PTPRN2: variants seen among roughly 807,000 people sequenced by gnomAD.
The protein encoded by PTPRN2 is protein tyrosine phosphatase receptor type N2, also known as receptor-type tyrosine-protein phosphatase N2.
In PTPRN2, 74 loss-of-function variants were observed where a neutral mutation model predicts 118.8. The observed-to-expected ratio is 0.62, with a 90% CI of 0.52 to 0.76. The LOEUF (loss-of-function observed/expected upper bound fraction) is 0.76, where lower values mean the gene tolerates loss of function less well. Ranked by LOEUF, PTPRN2 falls within the 30% of genes least tolerant of loss-of-function variation. The probability of loss-of-function intolerance (pLI) is 0.00; values close to 1 mark genes in which losing one functional copy is unlikely to be tolerated. For missense variants in PTPRN2, 1,481 were observed against 1,394.4 expected, an observed-to-expected ratio of 1.06 and a Z score of -0.99; for synonymous variants, 641 against 608.0, an observed-to-expected ratio of 1.05 and a Z score of -0.80.
intron 1 of PTPRN2, among the ~76,000 whole-genome samples, chr7:158,496,068 C>T (rs553974887): frequency 6.6e-6 from 1 of 152,010 alleles, no homozygotes; most frequent in Admixed American, 6.5e-5. Flanking sequence ...CGCTCAGCCC[C>T]TCTGCTGAGA....
At chr7:158,308,873 T>G (rs7799231) in intron 3 of PTPRN2, among the ~76,000 whole-genome samples, 1 of 152,050 alleles carries the variant, frequency 6.6e-6, no homozygotes, top group Non-Finnish European at 1.5e-5. Context: ...AACTAGATAA[T>G]CTAGGTGAAA....
intron 12 of PTPRN2, among the ~76,000 whole-genome samples, chr7:157,703,969 C>T (rs62475248): frequency 0.1 from 15,557 of 152,220 alleles, 1,012 homozygotes; most frequent in East Asian, 0.31. Flanking sequence ...AGCTCTCACT[C>T]GCCCAAAGCT....
intron 6 of PTPRN2, among the ~76,000 whole-genome samples, chr7:158,154,364 A>T (rs957223510): frequency 1.3e-5 from 2 of 152,236 alleles, no homozygotes; most frequent in East Asian, 1.9e-4. Flanking sequence ...AGAAAATGAA[A>T]TATAGTAAGT....
Position 158,093,436 on chromosome 7 carries a change from GC to G in PTPRN2, c.1644-12060del, listed in dbSNP as rs1323838101. Among the ~76,000 whole-genome samples, 1 of 152,174 alleles carries G rather than the reference GC, an allele frequency of 6.6e-6. No individual in the cohort carries two copies. Among genetic ancestry groups the G allele is most frequent in the Non-Finnish European group, 1.5e-5 (1 of 68,036 alleles). On this transcript the variant is annotated intron_variant, in intron 10 of 22. Transcript: ENST00000389418. The surrounding 1 kb of genome is among the most constrained non-coding windows in gnomAD (Gnocchi z 4.4). ...CTGGACCGACCCCCACACTGTTTGT[GC>G]TTTTACTCCCTGAATTGTTCCTGAT...
At chr7:158,132,792 C>A (rs1818475229) in intron 9 of PTPRN2, among the ~76,000 whole-genome samples, 1 of 152,014 alleles carries the variant, frequency 6.6e-6, no homozygotes, top group Non-Finnish European at 1.5e-5. Flanking sequence ...CTCATATACA[C>A]ACACATGCGT....
In PTPRN2 at chr7:158,131,336, C is replaced by CACACATGCACATATGCACAAACCA. The variant is rs1818255825; in HGVS notation, c.1556+2340_1556+2341insTGGTTTGTGCATATGTGCATGTGT. ...TCTACCCCACATACACACTCATACACATGCACATTTGCACAAACCAATACA... is the reference window on the plus strand; with the variant it reads ...TCTACCCCACATACACACTCATACACACACATGCACATATGCACAAACCAATGCACATTTGCACAAACCAATACA... On this transcript the variant is annotated intron_variant, in intron 9 of 22. Transcript: ENST00000389418. Among the ~76,000 whole-genome samples, 4 of 151,274 alleles carry CACACATGCACATATGCACAAACCA rather than the reference C, an allele frequency of 2.6e-5. 1 individual carries two copies. Among genetic ancestry groups the CACACATGCACATATGCACAAACCA allele is most frequent in the Admixed American group, 2.6e-4 (4 of 15,156 alleles).
chr7:157,633,114 G>T (rs1804064306), intron 14 of PTPRN2, among the ~76,000 whole-genome samples: 1 of 151,622 alleles, frequency 6.6e-6, no homozygotes, highest in Non-Finnish European at 1.5e-5. Context: ...CTGTCCTCAT[G>T]TGGCTCATTT....
chr7:158,305,676 C>A (rs1222023761), intron 3 of PTPRN2, among the ~76,000 whole-genome samples: 1 of 151,946 alleles, frequency 6.6e-6, no homozygotes, highest in Non-Finnish European at 1.5e-5. Flanking sequence ...GGCAAAGAAC[C>A]TTAAACATTC....
intron 3 of PTPRN2, among the ~76,000 whole-genome samples, chr7:158,312,777 ACACG>A (rs1287118909): frequency 2.3e-5 from 2 of 88,040 alleles, no homozygotes; most frequent in South Asian, 8.8e-4. Context: ...AGATACCCAC[ACACG>A]CACACACACC....
At chr7:157,628,741 G>A (rs1035040865) in intron 14 of PTPRN2, among the ~76,000 whole-genome samples, 3 of 152,164 alleles carry the variant, frequency 2.0e-5, no homozygotes, top group Non-Finnish European at 4.4e-5. Flanking sequence ...GATGGGGTGC[G>A]GGACGGTCTC....
chr7:158,270,833 TGA>T (rs1798345706), intron 3 of PTPRN2, among the ~76,000 whole-genome samples: 2 of 5,936 alleles, frequency 3.4e-4, no homozygotes, highest in African/African-American at 1.1e-3. Context: ...TCCACCTGGA[TGA>T]CCCCCTCACC....
chr7:158,044,173 C>G (rs1808674153), intron 11 of PTPRN2, among the ~76,000 whole-genome samples: 1 of 152,214 alleles, frequency 6.6e-6, no homozygotes, highest in Non-Finnish European at 1.5e-5. Flanking sequence ...AAGTCAGCAA[C>G]TGAAGAAATG....
At chr7:158,446,889 G>A (rs1055293483) in intron 2 of PTPRN2, among the ~76,000 whole-genome samples, 11 of 152,166 alleles carry the variant, frequency 7.2e-5, no homozygotes, top group African/African-American at 2.2e-4. Flanking sequence ...GAAGGCGGCC[G>A]GCCTGCAGCC....
intron 22 of PTPRN2, 131 bp downstream of exon 22, chr7:157,548,815 A>C: frequency 1.1e-6 from 1 of 937,006 alleles, no homozygotes; most frequent in Non-Finnish European, 1.7e-6. Flanking sequence ...GGCATGGACG[A>C]GGCCGGTCAG....
chr7:158,254,967 G>A (rs1453981154), intron 3 of PTPRN2, among the ~76,000 whole-genome samples: 1 of 152,260 alleles, frequency 6.6e-6, no homozygotes, highest in Non-Finnish European at 1.5e-5. Flanking sequence ...CCAGGCCCAG[G>A]AAGAAGCTGC....
chr7:157,932,165 C>A (rs1585038545), intron 11 of PTPRN2, among the ~76,000 whole-genome samples: 1 of 152,310 alleles, frequency 6.6e-6, no homozygotes, highest in Non-Finnish European at 1.5e-5. Flanking sequence ...GTTCTAAATA[C>A]TTCAGTGCTT....
chr7:158,042,242 AG>A (rs1486141797), intron 11 of PTPRN2, among the ~76,000 whole-genome samples: 1 of 152,192 alleles, frequency 6.6e-6, no homozygotes, highest in Admixed American at 6.5e-5. Flanking sequence ...AAAAGAAGTC[AG>A]GGGAGTGAAA....
At chr7:157,631,682 A>T (rs1016487634) in intron 14 of PTPRN2, among the ~76,000 whole-genome samples, 1 of 152,168 alleles carries the variant, frequency 6.6e-6, no homozygotes, top group African/African-American at 2.4e-5. Context: ...AATACAAAAA[A>T]TTAGCCAGGC....
chr7:158,285,113 AG>A (rs1166377416), intron 3 of PTPRN2, among the ~76,000 whole-genome samples: 4 of 152,102 alleles, frequency 2.6e-5, no homozygotes, highest in Non-Finnish European at 5.9e-5. Context: ...TGTTGCTCTC[AG>A]TGGAAAACAT....
Sources: allele counts gnomAD v4.1 joint callset (sites outside exome capture counted in the v4.1 genomes callset), GRCh38; gene constraint gnomAD v4.1.1; non-coding constraint Gnocchi (gnomAD v3.1); transcripts MANE v1.5; gene names NCBI Gene and HGNC (gene_info 2026-07-23, HGNC 2026-07-21).